The following GBE1 variants were observed in gnomAD, a reference collection of about 807,000 sequenced individuals.
The protein encoded by GBE1 is 1,4-alpha-glucan branching enzyme 1.
Under a neutral mutation model 88.8 loss-of-function variants are expected in GBE1, and 70 were observed. The observed-to-expected ratio is 0.79, with a 90% CI of 0.65 to 0.96. The LOEUF (loss-of-function observed/expected upper bound fraction) is 0.96, where lower values mean the gene tolerates loss of function less well. Among genes scored for constraint, GBE1 ranks in the 40% least tolerant of loss-of-function variants. The pLI is 0.00. For missense variants in GBE1, 872 were observed against 871.0 expected (o/e 1.00, Z -0.01); for synonymous variants, 284 against 300.1 (o/e 0.95, Z 0.56).
chr3:81,574,408 G>A (rs1043396832), intron 12 of GBE1, among the ~76,000 whole-genome samples: 1 of 152,086 alleles, frequency 6.6e-6, no homozygotes, highest in Non-Finnish European at 1.5e-5. Flanking sequence ...ACAATCTGAC[G>A]AAGCAGGCAC....
intron 1 of GBE1, among the ~76,000 whole-genome samples, chr3:81,747,138 GA>G (rs1037107352): frequency 1.5e-4 from 22 of 149,230 alleles, no homozygotes; most frequent in African/African-American, 4.4e-4. Flanking sequence ...AAAACTTTTA[GA>G]AAAAAAAATA....
intron 2 of GBE1, among the ~76,000 whole-genome samples, chr3:81,676,812 A>T (rs901616776): frequency 6.6e-6 from 1 of 152,152 alleles, no homozygotes; most frequent in Non-Finnish European, 1.5e-5. Context: ...AAGGCATAAG[A>T]TTCTATTTGT....
At chr3:81,592,646 A>T (rs1703895192) in intron 8 of GBE1, among the ~76,000 whole-genome samples, 1 of 151,972 alleles carries the variant, frequency 6.6e-6, no homozygotes, top group Non-Finnish European at 1.5e-5. Context: ...TTCTTTAACC[A>T]TTTCTTGGAT....
At chr3:81,710,232 CT>C (rs397990331) in intron 1 of GBE1, among the ~76,000 whole-genome samples, 19 of 93,230 alleles carry the variant, frequency 2.0e-4, no homozygotes, top group Middle Eastern at 7.8e-3. Flanking sequence ...GGTAATTAAT[CT>C]TTTTTTTTTT....
chr3:81,684,542 T>A (rs547036123), intron 2 of GBE1, among the ~76,000 whole-genome samples: 1 of 152,236 alleles, frequency 6.6e-6, no homozygotes, highest in South Asian at 2.1e-4. Context: ...ACTAATCCCA[T>A]TCATGAGGGC....
intron 1 of GBE1, among the ~76,000 whole-genome samples, chr3:81,717,093 T>A (rs1236306403): frequency 6.6e-6 from 1 of 152,216 alleles, no homozygotes; most frequent in African/African-American, 2.4e-5. Flanking sequence ...CTCTGCTGAT[T>A]ACCTTGGAAA....
intron 1 of GBE1, 22 bp from the exon 2 acceptor site, chr3:81,705,635 A>C (rs1481901692): frequency 6.8e-7 from 1 of 1,467,308 alleles, no homozygotes; most frequent in Non-Finnish European, 9.1e-7. Context: ...TATGAAAGAA[A>C]ATGAGTTAGA....
At chr3:81,756,528 T>G (rs371711341) in intron 1 of GBE1, among the ~76,000 whole-genome samples, 1 of 152,164 alleles carries the variant, frequency 6.6e-6, no homozygotes, top group African/African-American at 2.4e-5. Context: ...AGTACCCACT[T>G]ATGAGAGCAA....
chr3:81,575,399 A>G (rs989444499), intron 12 of GBE1, among the ~76,000 whole-genome samples: 3 of 152,198 alleles, frequency 2.0e-5, no homozygotes, highest in African/African-American at 7.2e-5. Context: ...ATTAGAATAC[A>G]TAAGACAAAA....
chr3:81,677,940 C>T (rs868460210), intron 2 of GBE1, among the ~76,000 whole-genome samples: 48 of 152,112 alleles, frequency 3.2e-4, no homozygotes, highest in African/African-American at 1.1e-3. Flanking sequence ...ATACTAATAC[C>T]TCATTATTTA....
rs547873706 is a variant in GBE1 at position 81,618,734 on chromosome 3, G to A, written c.992+24047C>T. ...TATTAAGAGGTTAGAAATGAATTTA[G>A]GCCAACTCTCATTTTACACATGTAG... is the stretch of plus-strand genomic sequence containing the variant. On this transcript the variant is annotated intron_variant, in intron 7 of 15. Transcript: ENST00000429644. Among the ~76,000 whole-genome samples, 40 of 152,086 alleles carry A rather than the reference G, an allele frequency of 2.6e-4. No individual in the cohort carries two copies. The East Asian group carries it at 2.7e-3, about 10-fold the overall frequency.
chr3:81,713,180 A>C (rs1705894497), intron 1 of GBE1, among the ~76,000 whole-genome samples: 1 of 152,206 alleles, frequency 6.6e-6, no homozygotes, highest in South Asian at 2.1e-4. Flanking sequence ...AATGAGCAAG[A>C]CCAGGAAGGA....
chr3:81,725,696 C>A (rs189932592), intron 1 of GBE1, among the ~76,000 whole-genome samples: 4 of 152,152 alleles, frequency 2.6e-5, no homozygotes, highest in Admixed American at 1.3e-4. Flanking sequence ...ATCAGCATCT[C>A]TAGAAACACA....
chr3:81,686,148 G>T (rs1450377071), intron 2 of GBE1, among the ~76,000 whole-genome samples: 1 of 152,162 alleles, frequency 6.6e-6, no homozygotes, highest in Non-Finnish European at 1.5e-5. Flanking sequence ...TACTTCCTTG[G>T]TAAGACAATT....
At chr3:81,609,038 G>A (rs903082412) in intron 7 of GBE1, among the ~76,000 whole-genome samples, 1 of 152,128 alleles carries the variant, frequency 6.6e-6, no homozygotes, top group African/African-American at 2.4e-5. Context: ...GACACTAAAG[G>A]AAGAGTAGAG....
chr3:81,632,678 T>C (rs550046251), intron 7 of GBE1, among the ~76,000 whole-genome samples: 1 of 152,266 alleles, frequency 6.6e-6, no homozygotes, highest in Non-Finnish European at 1.5e-5. Context: ...AGAAATATCA[T>C]TTGACCCAGC....
At chr3:81,536,198 C>T (rs1703071248) in intron 13 of GBE1, among the ~76,000 whole-genome samples, 1 of 151,324 alleles carries the variant, frequency 6.6e-6, no homozygotes, top group Admixed American at 6.6e-5. Flanking sequence ...ATATAAATAC[C>T]TTTGTTCAGC....
intron 14 of GBE1, among the ~76,000 whole-genome samples, chr3:81,527,127 C>G (rs1702953796): frequency 6.6e-6 from 1 of 152,052 alleles, no homozygotes; most frequent in African/African-American, 2.4e-5. Flanking sequence ...GGAAAGGATT[C>G]CCTATTTAAT....
chr3:81,726,811 A>G (rs1324241754), intron 1 of GBE1, among the ~76,000 whole-genome samples: 2 of 151,930 alleles, frequency 1.3e-5, no homozygotes, highest in Non-Finnish European at 2.9e-5. Flanking sequence ...CGGACTCCTG[A>G]CCTCGTGATC....
Sources: allele counts gnomAD v4.1 joint callset (sites outside exome capture counted in the v4.1 genomes callset), GRCh38; gene constraint gnomAD v4.1.1; transcripts MANE v1.5; gene names NCBI Gene and HGNC (gene_info 2026-07-23, HGNC 2026-07-21).